The following VPS13C variants were observed in gnomAD, a reference collection of about 807,000 sequenced individuals.
The protein encoded by VPS13C is vacuolar protein sorting 13 homolog C.
Under a neutral mutation model 456.8 loss-of-function variants are expected in VPS13C, and 358 were observed. The ratio of observed to expected loss-of-function variants is 0.78; its 90% CI spans 0.72 to 0.86. VPS13C has a LOEUF of 0.86. VPS13C is among the 40% of genes least tolerant of loss of function. VPS13C has a pLI of 0.00. For synonymous variants in VPS13C, 1,578 were observed against 1,486.7 expected, an observed-to-expected ratio of 1.06 and a Z score of -1.41; for missense variants, 4,818 against 4,385.4, an observed-to-expected ratio of 1.10 and a Z score of -2.79.
At chr15:61,883,040 C>CT (rs554808916) in intron 68 of VPS13C, among the ~76,000 whole-genome samples, 69 of 148,458 alleles carry the variant, frequency 4.6e-4, no homozygotes, top group Admixed American at 1.2e-3. Context: ...CTTTCCTTTT[C>CT]TTTTTTTTTT....
chr15:61,928,915 G>A (rs1050373932), intron 51 of VPS13C, among the ~76,000 whole-genome samples: 2 of 151,084 alleles, frequency 1.3e-5, no homozygotes, highest in African/African-American at 4.9e-5. Flanking sequence ...GGAGAGAAGA[G>A]GAGAGGAGAG....
At chr15:61,880,550 C>A in intron 73 of VPS13C, 59 bp downstream of exon 73, 4 of 1,186,504 alleles carry the variant, frequency 3.4e-6, no homozygotes, top group Middle Eastern at 2.8e-4. Context: ...GGTCCACAGA[C>A]CCTTTAAAAA....
In VPS13C at chr15:61,970,173, T is replaced by C. The variant is rs555142679; in HGVS notation, c.2758-721A>G. 2.2e-4 allele frequency among the ~76,000 whole-genome samples: 33 copies of C among 152,234 alleles called. No homozygotes were observed. In the South Asian group the frequency reaches 6.6e-3, roughly 31 times the overall value. On this transcript the variant is annotated intron_variant, in intron 27 of 84. Transcript: ENST00000644861. ...GGCCATAAGTAGGTGTTTCAGTCAA[T>C]AGTCCCAGCTAGCTCCCAGCCAATA...
chr15:61,983,585 T>A (rs2045948971), intron 20 of VPS13C: 3 of 425,912 alleles, frequency 7.0e-6, no homozygotes, highest in South Asian at 9.7e-5. Flanking sequence ...TTAGATTTTT[T>A]AAAATTTAAC....
chr15:62,013,025 T>C lies in VPS13C; in HGVS notation c.825+14A>G, dbSNP rs771056655. On this transcript the variant is annotated intron_variant, in intron 11 of 84. Coordinates refer to ENST00000644861, the MANE Select transcript of VPS13C (RefSeq NM_020821.3). ...GGAGTGAAGTTAGCTCTTCCAAGTATACATTAATATTACCAAAATCTGTTC... is the reference window on the plus strand; with the variant it reads ...GGAGTGAAGTTAGCTCTTCCAAGTACACATTAATATTACCAAAATCTGTTC... 1.9e-6 allele frequency: 3 copies of C among 1,600,670 alleles called. No individual in the cohort carries two copies. The highest frequency in any genetic ancestry group is 2.6e-6 in the Non-Finnish European group (3 of 1,172,202).
chr15:61,930,825 A>G (rs1245336395), intron 50 of VPS13C, among the ~76,000 whole-genome samples: 1 of 152,216 alleles, frequency 6.6e-6, no homozygotes, highest in Non-Finnish European at 1.5e-5. Flanking sequence ...ATATCACCCC[A>G]TGTGGATTTA....
At chr15:61,860,694 T>C (rs1019016533) in intron 82 of VPS13C, among the ~76,000 whole-genome samples, 8 of 152,072 alleles carry the variant, frequency 5.3e-5, no homozygotes, top group Admixed American at 1.3e-4. Flanking sequence ...ACATGAAAAA[T>C]TGACAAGACT....
rs190528411 is a variant in VPS13C, at chr15:62,055,599, A to G, written c.100+4676T>C. On this transcript the variant is annotated intron_variant, in intron 1 of 84. Transcript: ENST00000644861. ...AACGCCTATATATACATATATGAATATATGCACACTATGATGTTTTCCAAA... is the reference window on the plus strand; with the variant it reads ...AACGCCTATATATACATATATGAATGTATGCACACTATGATGTTTTCCAAA... 5.3e-5 allele frequency among the ~76,000 whole-genome samples: 8 copies of G among 152,092 alleles called. No homozygotes were observed. In the East Asian group the frequency reaches 1.5e-3, roughly 29 times the overall value.
intron 66 of VPS13C, among the ~76,000 whole-genome samples, chr15:61,897,394 G>A (rs936699042): frequency 6.6e-6 from 1 of 152,214 alleles, no homozygotes; most frequent in East Asian, 1.9e-4. Context: ...AACCAATACA[G>A]AGAAGTGATT....
At chr15:61,865,229 T>C (rs1205756928) in intron 81 of VPS13C, 33 of 984,286 alleles carry the variant, frequency 3.4e-5, no homozygotes, top group Non-Finnish European at 4.0e-5. Flanking sequence ...TCAAGTAAAT[T>C]CTAAGGAAAT....
intron 31 of VPS13C, 97 bp downstream of exon 31, chr15:61,964,602 A>T: frequency 8.4e-7 from 1 of 1,186,084 alleles, no homozygotes; most frequent in Non-Finnish European, 1.2e-6. Context: ...GGAAAATGGT[A>T]TTTAAATGAC....
chr15:61,870,677 CTG>C (rs1490218104), intron 79 of VPS13C, among the ~76,000 whole-genome samples: 1 of 152,098 alleles, frequency 6.6e-6, no homozygotes, highest in African/African-American at 2.4e-5. Context: ...CATGGTGACT[CTG>C]TGTTTAACTT....
rs553910847 is a variant in VPS13C, at chr15:61,992,826, C to T, written c.1354-1024G>A. On this transcript the variant is annotated intron_variant, in intron 16 of 84. Transcript: ENST00000644861. Reference sequence around the variant, plus strand: ...CCAAAGCCAAAGCCCCACCACACAACAATTAAATCAAATCTTGAGAGAGTG... The same window carrying T: ...CCAAAGCCAAAGCCCCACCACACAATAATTAAATCAAATCTTGAGAGAGTG... Among the ~76,000 whole-genome samples, 11 of 152,006 alleles carry T rather than the reference C, an allele frequency of 7.2e-5. No individual in the cohort carries two copies. The East Asian group carries it at 2.1e-3, about 29-fold the overall frequency.
At chr15:62,050,049 C>G (rs1387127701) in intron 1 of VPS13C, among the ~76,000 whole-genome samples, 3 of 152,196 alleles carry the variant, frequency 2.0e-5, no homozygotes, top group Non-Finnish European at 2.9e-5. Flanking sequence ...CATCTGCAAA[C>G]AGGGACAATT....
chr15:62,031,399 A>G (rs908762485), intron 5 of VPS13C, among the ~76,000 whole-genome samples: 1 of 152,008 alleles, frequency 6.6e-6, no homozygotes, highest in Non-Finnish European at 1.5e-5. Flanking sequence ...TAATGGTAAA[A>G]TGTGAAATAT....
chr15:61,892,303 T>C (rs753816235), intron 66 of VPS13C, among the ~76,000 whole-genome samples: 1 of 152,182 alleles, frequency 6.6e-6, no homozygotes, highest in Non-Finnish European at 1.5e-5. Context: ...CCCTAAGTCT[T>C]CTGAGGAGGA....
At chr15:61,884,686 G>GAA (rs149321625) in intron 67 of VPS13C, among the ~76,000 whole-genome samples, 40 of 148,290 alleles carry the variant, frequency 2.7e-4, no homozygotes, top group Middle Eastern at 7.0e-3. Context: ...GTCTATTAAT[G>GAA]AAAAAAAAAA....
rs35800911 is a variant in VPS13C, at chr15:61,996,868, TACACACACACACAC to T, written c.1353+3682_1353+3695del. Among the ~76,000 whole-genome samples the T allele has an allele frequency of 6.3e-5, 9 of 143,892 alleles. No individual in the cohort carries two copies. In the East Asian group the frequency reaches 1.2e-3, roughly 20 times the overall value. The allele number at this position is 143,892 out of a possible 152,430, so 94.4% of individuals were successfully genotyped here. A position where few individuals can be genotyped will look rare whatever the true frequency, so the allele number is the denominator to read the frequency against. On this transcript the variant is annotated intron_variant, in intron 16 of 84. Coordinates refer to ENST00000644861, the MANE Select transcript of VPS13C (RefSeq NM_020821.3). ...TGAACAGAGCACCAAAAGGTCTAAATACACACACACACACACACACACACACACATATATATATA... is the reference window on the plus strand; with the variant it reads ...TGAACAGAGCACCAAAAGGTCTAAATACACACACACACACATATATATATA...
chr15:61,896,649 C>T (rs1313784957), intron 66 of VPS13C, among the ~76,000 whole-genome samples: 1 of 152,206 alleles, frequency 6.6e-6, no homozygotes, highest in African/African-American at 2.4e-5. Context: ...TGAGATCAAA[C>T]TGCAAGGCGG....
Sources: gnomAD v4.1 joint callset for allele counts (sites outside exome capture counted in the v4.1 genomes callset) on GRCh38, gnomAD v4.1.1 for gene constraint, MANE v1.5 for transcripts, NCBI Gene and HGNC (gene_info 2026-07-23, HGNC 2026-07-21) for gene names.